The following TGFB2 variants were observed in gnomAD, a reference collection of about 807,000 sequenced individuals.
TGFB2 encodes transforming growth factor beta 2.
TGFB2 carries 13 observed loss-of-function variants against 42.7 expected under a neutral mutation model. That is an observed-to-expected ratio of 0.30 (90% CI 0.20 to 0.48). The LOEUF (loss-of-function observed/expected upper bound fraction) is 0.48, where lower values mean the gene tolerates loss of function less well. Ranked by LOEUF, TGFB2 falls within the 20% of genes least tolerant of loss-of-function variation. TGFB2 has a pLI of 0.99. For missense variants in TGFB2, 390 were observed against 517.5 expected (o/e 0.75, Z 2.39); for synonymous variants, 193 against 193.6 (o/e 1.00, Z 0.03).
At chr1:218,407,689 C>T (rs1658958903) in intron 2 of TGFB2, among the ~76,000 whole-genome samples, 2 of 152,246 alleles carry the variant, frequency 1.3e-5, no homozygotes, top group South Asian at 4.2e-4. Context: ...TGCTAAATCC[C>T]AGAGAAATTA....
At chr1:218,437,991 A>T (rs1660025852) in intron 6 of TGFB2, among the ~76,000 whole-genome samples, 1 of 152,198 alleles carries the variant, frequency 6.6e-6, no homozygotes, top group Non-Finnish European at 1.5e-5. Flanking sequence ...GGAACATTCC[A>T]GATCATCTCT....
chr1:218,434,966 A>G lies in TGFB2; in HGVS notation c.754+518A>G, dbSNP rs10482814. Among the ~76,000 whole-genome samples, 126 of 152,302 alleles carry G rather than the reference A, an allele frequency of 8.3e-4. 1 individual carries two copies. The East Asian group carries it at 0.01, about 12-fold the overall frequency. On this transcript the variant is annotated intron_variant, in intron 4 of 6. Coordinates refer to ENST00000366930, the MANE Select transcript of TGFB2 (RefSeq NM_003238.6). ...CAAGTGGGTTCCTTATCAGAATTTT[A>G]TATTAGTTTATAAACACATAAAAAT... is the stretch of plus-strand genomic sequence containing the variant.
intron 1 of TGFB2, chr1:218,363,244 G>A: frequency 1.3e-5 from 14 of 1,091,322 alleles, no homozygotes; most frequent in East Asian, 2.4e-5. Flanking sequence ...CATTCAATGA[G>A]TCCCTCTTCT....
In TGFB2 at chr1:218,408,349, C is replaced by T. The variant is rs73110397; in HGVS notation, c.510+3017C>T. On this transcript the variant is annotated intron_variant, in intron 2 of 6. Transcript: ENST00000366930. Reference sequence around the variant, plus strand: ...TGTGCCTCAGAGGTTTCTGAAGCACCGGCTGCTCCATGACGCAAGTGACAT... The same window carrying T: ...TGTGCCTCAGAGGTTTCTGAAGCACTGGCTGCTCCATGACGCAAGTGACAT... 3.7e-3 allele frequency among the ~76,000 whole-genome samples: 569 copies of T among 152,120 alleles called. 3 individuals carry two copies. Among genetic ancestry groups the T allele is most frequent in the African/African-American group, 0.013 (547 of 41,486 alleles).
At chr1:218,393,114 C>T (rs1571864128) in intron 1 of TGFB2, among the ~76,000 whole-genome samples, 2 of 152,254 alleles carry the variant, frequency 1.3e-5, no homozygotes, top group East Asian at 3.9e-4. Flanking sequence ...TAATAATGAC[C>T]CGCTACACCC....
chr1:218,363,488 C>T, intron 1 of TGFB2: 1 of 1,454,370 alleles, frequency 6.9e-7, no homozygotes, highest in South Asian at 1.2e-5. Flanking sequence ...TGTTTGTCTC[C>T]TGTGGGGAAC....
intron 1 of TGFB2, among the ~76,000 whole-genome samples, chr1:218,400,017 G>A (rs1658660806): frequency 6.6e-6 from 1 of 152,038 alleles, no homozygotes; most frequent in African/African-American, 2.4e-5. Context: ...GCTCAGAAAA[G>A]CCAGATAATA....
At chr1:218,356,048 C>G (rs572345660) in intron 1 of TGFB2, among the ~76,000 whole-genome samples, 6 of 152,078 alleles carry the variant, frequency 3.9e-5, no homozygotes, top group Admixed American at 3.3e-4. Context: ...CCCTCAGAAA[C>G]GTTTTCTAGT....
intron 2 of TGFB2, among the ~76,000 whole-genome samples, chr1:218,428,018 C>T (rs373749582): frequency 4.6e-5 from 7 of 152,018 alleles, no homozygotes; most frequent in South Asian, 4.2e-4. Flanking sequence ...TTTTTAATGA[C>T]TGCCATTCTA....
chr1:218,437,022 A>G (rs1054133876), intron 5 of TGFB2, among the ~76,000 whole-genome samples: 12 of 152,222 alleles, frequency 7.9e-5, no homozygotes, highest in African/African-American at 2.9e-4. Flanking sequence ...AAAGGGCTTC[A>G]TCATGCCCAG....
chr1:218,387,005 A>G (rs1431540628), intron 1 of TGFB2, among the ~76,000 whole-genome samples: 1 of 152,236 alleles, frequency 6.6e-6, no homozygotes, highest in Non-Finnish European at 1.5e-5. Context: ...ACACAGTATG[A>G]TAAGTGCCAG....
intron 2 of TGFB2, among the ~76,000 whole-genome samples, chr1:218,411,596 A>C (rs1659099649): frequency 6.6e-6 from 1 of 152,192 alleles, no homozygotes. Context: ...GAGGCTGGGC[A>C]TGGTGGCTTA....
rs1460790503 is a variant in TGFB2 at position 218,345,856 on chromosome 1, G to A, written c.-846G>A. ...GAGGCTGGAAGCGTTTGCAAGCGGC[G>A]GCGGCAGCAACGTGGAGTAACCAAG... On this transcript the variant is annotated 5_prime_UTR_variant, in exon 1 of 7. Transcript: ENST00000366930. Among the ~76,000 whole-genome samples, 1 of 152,068 alleles carries A rather than the reference G, an allele frequency of 6.6e-6. No individual in the cohort carries two copies. Among genetic ancestry groups the A allele is most frequent in the African/African-American group, 2.4e-5 (1 of 41,424 alleles).
chr1:218,398,012 T>C (rs746732734), intron 1 of TGFB2, among the ~76,000 whole-genome samples: 1 of 152,258 alleles, frequency 6.6e-6, no homozygotes, highest in Admixed American at 6.5e-5. Flanking sequence ...TCCTTGACAA[T>C]TGTGGTCAGT....
chr1:218,416,302 T>C (rs865884611), intron 2 of TGFB2, among the ~76,000 whole-genome samples: 2 of 152,200 alleles, frequency 1.3e-5, no homozygotes, highest in South Asian at 2.1e-4. Flanking sequence ...CTTTTTTTTT[T>C]CATGTTGTAA....
chr1:218,388,842 G>T (rs1247344461), intron 1 of TGFB2, among the ~76,000 whole-genome samples: 1 of 152,220 alleles, frequency 6.6e-6, no homozygotes, highest in South Asian at 2.1e-4. Context: ...CAGTTGAAAA[G>T]GCAGCTTGTT....
intron 2 of TGFB2, among the ~76,000 whole-genome samples, chr1:218,411,434 C>G (rs1301566592): frequency 6.6e-6 from 1 of 152,102 alleles, no homozygotes; most frequent in Non-Finnish European, 1.5e-5. Context: ...AGTAGAATGA[C>G]TGGAAGGCCG....
At chr1:218,368,689 G>T (rs1021537972) in intron 1 of TGFB2, among the ~76,000 whole-genome samples, 15 of 152,128 alleles carry the variant, frequency 9.9e-5, no homozygotes, top group South Asian at 2.1e-4. Context: ...GTTAAGAAGG[G>T]AGTGCATGTA....
At chr1:218,398,408 C>G (rs760990918) in intron 1 of TGFB2, among the ~76,000 whole-genome samples, 4 of 152,170 alleles carry the variant, frequency 2.6e-5, no homozygotes, top group Non-Finnish European at 4.4e-5. Context: ...GAAGCATTGC[C>G]CTCCTGAAGG....
Sources: gnomAD v4.1 joint callset for allele counts (sites outside exome capture counted in the v4.1 genomes callset) on GRCh38, gnomAD v4.1.1 for gene constraint, MANE v1.5 for transcripts, NCBI Gene and HGNC (gene_info 2026-07-23, HGNC 2026-07-21) for gene names.